Variants in CLCN1 observed in about 807,000 individuals in gnomAD.
CLCN1 encodes chloride channel protein 1.
Under a neutral mutation model 114.5 loss-of-function variants are expected in CLCN1, and 100 were observed. The observed-to-expected ratio is 0.87, with a 90% CI of 0.74 to 1.03. The LOEUF (loss-of-function observed/expected upper bound fraction) is 1.03. Among genes scored for constraint, CLCN1 ranks in the 50% least tolerant of loss-of-function variants. The pLI, the probability that CLCN1 is intolerant of heterozygous loss-of-function variation, is 0.00. For missense variants in CLCN1, 1,188 were observed against 1,250.0 expected, an observed-to-expected ratio of 0.95 and a Z score of 0.75; for synonymous variants, 485 against 487.1, an observed-to-expected ratio of 1.00 and a Z score of 0.06.
At chr7:143,332,673 A>C (rs1198417598) in intron 11 of CLCN1, 51 bp from the exon 12 acceptor site, 1 of 1,609,228 alleles carries the variant, frequency 6.2e-7, no homozygotes, top group East Asian at 2.2e-5. Flanking sequence ...TAAAAAAGGA[A>C]GCACAGGAGT....
Position 143,321,611 on chromosome 7 carries a change from C to A in CLCN1, c.563-104C>A. ...TGCTGCCTTGCCCCATCCTCCCCAC[C>A]ACTGCCTCTTCAGCCCTCTCCAATT... On this transcript the variant is annotated intron_variant, in intron 4 of 22. Coordinates refer to ENST00000343257, the MANE Select transcript of CLCN1 (RefSeq NM_000083.3). The surrounding 1 kb of genome is among the most constrained non-coding windows in gnomAD (Gnocchi z 4.2). 1.9e-6 allele frequency: 3 copies of A among 1,603,594 alleles called. No individual in the cohort carries two copies. Among genetic ancestry groups the A allele is most frequent in the Non-Finnish European group, 2.6e-6 (3 of 1,171,042 alleles).
chr7:143,319,816 A>C lies in CLCN1; in HGVS notation c.242A>C (p.Lys81Thr), dbSNP rs1186508183. The C allele has an allele frequency of 3.1e-6, 5 of 1,613,906 alleles. No individual in the cohort carries two copies. In the Admixed American group the frequency reaches 8.3e-5, roughly 27 times the overall value. The change falls in exon 2 of 23, where the codon AAG (lysine) becomes ACG (threonine). Residue 81 changes from lysine (K) to threonine (T), a missense_variant. Lys to Thr is a moderately conservative substitution (Grantham distance 78, BLOSUM62 -1). Transcript: ENST00000343257. ...DREQDIGMPK[K>T]TGSSSTVDSK... ...GAGCAGGACATAGGGATGCCCAAGA[A>C]GACAGGCTCCAGTTCTACCGTGGAC...
At chr7:143,329,361 G>A (rs1025233291) in intron 7 of CLCN1, among the ~76,000 whole-genome samples, 3 of 152,166 alleles carry the variant, frequency 2.0e-5, no homozygotes, top group South Asian at 2.1e-4. Flanking sequence ...TTCTGAGAGC[G>A]CAGGCTGAAG....
intron 3 of CLCN1, 58 bp downstream of exon 3, chr7:143,320,853 G>A (rs1802410478): frequency 6.2e-7 from 1 of 1,602,972 alleles, no homozygotes; most frequent in African/African-American, 1.3e-5. Context: ...CCTAGGGTAA[G>A]CAGGGTGTGT....
rs1380726444 is a variant in CLCN1, at chr7:143,339,296, G to A, written c.1445G>A (p.Gly482Glu). Reference sequence around the variant, plus strand: ...GCCACCACTATGCCCATACCCTGCGGAGGCTTCATGCCTGTGTTTGTGCTA... The same window carrying A: ...GCCACCACTATGCCCATACCCTGCGAAGGCTTCATGCCTGTGTTTGTGCTA... ...IVATTMPIPC[G>E]GFMPVFVLGA... Residue 482 changes from glycine (G) to glutamate (E), a missense_variant, in exon 13 of 23, where the codon GGA (glycine) becomes GAA (glutamate). Transcript: ENST00000343257. The surrounding 1 kb of genome is among the most constrained non-coding windows in gnomAD (Gnocchi z 4.1). 1 of 1,613,172 alleles carries A rather than the reference G, an allele frequency of 6.2e-7. No individual in the cohort carries two copies. The highest frequency in any genetic ancestry group is 8.5e-7 in the Non-Finnish European group (1 of 1,179,064).
rs1484556051 is a variant in CLCN1, at chr7:143,324,864, T to A, written c.853+372T>A. Among the ~76,000 whole-genome samples, 1 of 152,176 alleles carries A rather than the reference T, an allele frequency of 6.6e-6. No homozygotes were observed. The highest frequency in any genetic ancestry group is 1.5e-5 in the Non-Finnish European group (1 of 68,032). The stretch of plus-strand genomic sequence containing the variant: ...ATGTTTTTGCCCTACACCGATGACA[T>A]CTCTAACAGGGGACTCTATGAACTT... On this transcript the variant is annotated intron_variant, in intron 7 of 22. Transcript: ENST00000343257. This position sits in a 1 kb window ranked among gnomAD's most constrained non-coding sequence, Gnocchi z 4.6.
intron 7 of CLCN1, among the ~76,000 whole-genome samples, chr7:143,329,931 G>T (rs570313923): frequency 3.9e-5 from 6 of 151,942 alleles, no homozygotes; most frequent in African/African-American, 1.2e-4. Flanking sequence ...GCCCTCACTC[G>T]CATTCCTTAC....
rs184645414 is a variant in CLCN1 at position 143,316,527 on chromosome 7, G to A, written c.180+135G>A. On this transcript the variant is annotated intron_variant, in intron 1 of 22. Transcript: ENST00000343257. Reference sequence around the variant, plus strand: ...TTAACTTAAAAAACAAGTACGTGGTGATGTGTTCAAAATATGAAAATCTTT... The same window carrying A: ...TTAACTTAAAAAACAAGTACGTGGTAATGTGTTCAAAATATGAAAATCTTT... 238 of 793,122 alleles carry A rather than the reference G, an allele frequency of 3.0e-4. No homozygotes were observed. In the African/African-American group the frequency reaches 3.3e-3, roughly 11 times the overall value. The allele number at this position is 793,122 out of a possible 1,614,324, so 49.1% of individuals were successfully genotyped here. A position where few individuals can be genotyped will look rare whatever the true frequency, so the allele number is the denominator to read the frequency against.
Position 143,324,626 on chromosome 7 carries a change from A to G in CLCN1, c.853+134A>G, listed in dbSNP as rs1225388613. The G allele has an allele frequency of 8.1e-6, 6 of 738,520 alleles. No homozygotes were observed. The highest frequency in any genetic ancestry group is 2.6e-5 in the East Asian group (1 of 37,842). The allele number at this position is 738,520 out of a possible 1,614,324, so 45.7% of individuals were successfully genotyped here. On this transcript the variant is annotated intron_variant, in intron 7 of 22. Transcript: ENST00000343257. The surrounding 1 kb of genome is among the most constrained non-coding windows in gnomAD (Gnocchi z 4.6). The stretch of plus-strand genomic sequence containing the variant: ...AGCTGACTTTTAGTAAGCCTTTGCT[A>G]TGTGCCAGGCAATGTTTAAAGCACT...
chr7:143,332,373 C>A, intron 10 of CLCN1, 46 bp from the exon 11 acceptor site: 1 of 1,414,630 alleles, frequency 7.1e-7, no homozygotes, highest in Non-Finnish European at 1.0e-6. Flanking sequence ...ATGGTATTTA[C>A]TGTGAGTTGG....
rs77994621 is a variant in CLCN1 at position 143,346,725 on chromosome 7, G to A, written c.2364+67G>A. On this transcript the variant is annotated intron_variant, in intron 19 of 22. Coordinates refer to ENST00000343257, the MANE Select transcript of CLCN1 (RefSeq NM_000083.3). ...TGCCCTTGAAGAGTGAGAAACCCAC[G>A]GTTCTTAAATCAGGAAGGCAGAGAC... 5.9e-3 allele frequency: 8,273 copies of A among 1,396,244 alleles called. 385 individuals are homozygous for A. In the African/African-American group the frequency reaches 0.1, roughly 17 times the overall value. The allele number at this position is 1,396,244 out of a possible 1,614,324, so 86.5% of individuals were successfully genotyped here. A position where few individuals can be genotyped will look rare whatever the true frequency, so the allele number is the denominator to read the frequency against.
chr7:143,350,305 C>G lies in CLCN1; in HGVS notation c.2404-67C>G. The G allele has an allele frequency of 1.5e-6, 2 of 1,325,316 alleles. No homozygotes were observed. The highest frequency in any genetic ancestry group is 2.4e-5 in the South Asian group (2 of 82,050). 82.1% of individuals were successfully genotyped at this position (1,325,316 alleles called of 1,614,324 possible). The stretch of plus-strand genomic sequence containing the variant: ...AGCGGCTAGGAGGGCCGTTTGGGGT[C>G]AAAATCAGGTATCTGGGGTGAAAGG... On this transcript the variant is annotated intron_variant, in intron 20 of 22. Transcript: ENST00000343257. This position sits in a 1 kb window ranked among gnomAD's most constrained non-coding sequence, Gnocchi z 5.1.
intron 2 of CLCN1, 70 bp downstream of exon 2, chr7:143,319,945 C>T (rs1802382994): frequency 6.5e-7 from 1 of 1,533,964 alleles, no homozygotes. Context: ...ATAACTTGGG[C>T]ATCCCATTGC....
chr7:143,327,404 T>G (rs1016742389), intron 7 of CLCN1, among the ~76,000 whole-genome samples: 4 of 151,964 alleles, frequency 2.6e-5, no homozygotes, highest in African/African-American at 9.7e-5. Flanking sequence ...GGAAATACTG[T>G]CGGGGTGAAT....
chr7:143,333,205 G>A (rs575468901), intron 12 of CLCN1, among the ~76,000 whole-genome samples: 4 of 152,066 alleles, frequency 2.6e-5, no homozygotes, highest in South Asian at 2.1e-4. Flanking sequence ...GGAGGCTGAC[G>A]CAGGAGAATC....
intron 20 of CLCN1, among the ~76,000 whole-genome samples, chr7:143,348,995 A>G (rs1803324683): frequency 6.6e-6 from 1 of 152,252 alleles, no homozygotes. Flanking sequence ...TAGAGTTATT[A>G]GAGAAGATTA....
Position 143,324,210 on chromosome 7 carries a change from A to G in CLCN1, c.775-204A>G, listed in dbSNP as rs1347791246. Among the ~76,000 whole-genome samples the G allele has an allele frequency of 6.6e-6, 1 of 152,082 alleles. No individual in the cohort carries two copies. The highest frequency in any genetic ancestry group is 2.4e-5 in the African/African-American group (1 of 41,400). On this transcript the variant is annotated intron_variant, in intron 6 of 22. Coordinates refer to ENST00000343257, the MANE Select transcript of CLCN1 (RefSeq NM_000083.3). The surrounding 1 kb of genome is among the most constrained non-coding windows in gnomAD (Gnocchi z 4.6). ...ATTTTCTACCTTCTATTTCATTTTGACACTGTGCTATGAGGTTAATTCCTT... is the reference window on the plus strand; with the variant it reads ...ATTTTCTACCTTCTATTTCATTTTGGCACTGTGCTATGAGGTTAATTCCTT...
In CLCN1 at chr7:143,324,343, G is replaced by A; in HGVS notation, c.775-71G>A. On this transcript the variant is annotated intron_variant, in intron 6 of 22. Coordinates refer to ENST00000343257, the MANE Select transcript of CLCN1 (RefSeq NM_000083.3). This position sits in a 1 kb window ranked among gnomAD's most constrained non-coding sequence, Gnocchi z 4.6. ...TCATTCTGCCTTATTCCCCATCCCT[G>A]CTTGTTCTGTCCTCTGCCTGCCCAC... 9.0e-7 allele frequency: 1 copy of A among 1,111,224 alleles called. No homozygotes were observed. The highest frequency in any genetic ancestry group is 1.4e-6 in the Non-Finnish European group (1 of 722,420). 68.8% of individuals were successfully genotyped at this position (1,111,224 alleles called of 1,614,324 possible).
intron 12 of CLCN1, among the ~76,000 whole-genome samples, chr7:143,338,993 G>A (rs904748351): frequency 3.3e-5 from 5 of 152,146 alleles, no homozygotes; most frequent in African/African-American, 1.2e-4. Flanking sequence ...ATTGCTGAAA[G>A]GCAAATACAG....
Sources: allele counts gnomAD v4.1 joint callset (sites outside exome capture counted in the v4.1 genomes callset), GRCh38; gene constraint gnomAD v4.1.1; non-coding constraint Gnocchi (gnomAD v3.1); transcripts MANE v1.5; gene names NCBI Gene and HGNC (gene_info 2026-07-23, HGNC 2026-07-21).